The following PTPN13 variants were observed in gnomAD, a reference collection of about 807,000 sequenced individuals.
The protein encoded by PTPN13 is protein tyrosine phosphatase non-receptor type 13, also known as tyrosine-protein phosphatase non-receptor type 13.
PTPN13 carries 191 observed loss-of-function variants against 284.0 expected under a neutral mutation model. The ratio of observed to expected loss-of-function variants is 0.67; its 90% CI spans 0.60 to 0.76. The LOEUF (loss-of-function observed/expected upper bound fraction) is 0.76, where lower values mean the gene tolerates loss of function less well. PTPN13 is among the 30% of genes least tolerant of loss of function. PTPN13 has a pLI of 0.00. For synonymous variants in PTPN13, 986 were observed against 1,022.3 expected, an observed-to-expected ratio of 0.96 and a Z score of 0.68; for missense variants, 2,797 against 2,939.9, an observed-to-expected ratio of 0.95 and a Z score of 1.12.
intron 40 of PTPN13, among the ~76,000 whole-genome samples, chr4:86,792,758 T>C (rs1742833686): frequency 6.6e-6 from 1 of 152,140 alleles, no homozygotes; most frequent in Non-Finnish European, 1.5e-5. Context: ...CCAGCCAAAC[T>C]AAGCTTCATA....
At chr4:86,793,850 A>C (rs1160358367) in intron 40 of PTPN13, among the ~76,000 whole-genome samples, 1 of 152,198 alleles carries the variant, frequency 6.6e-6, no homozygotes, top group Non-Finnish European at 1.5e-5. Flanking sequence ...GACACATTTA[A>C]AGCAGTGTGT....
intron 7 of PTPN13, among the ~76,000 whole-genome samples, chr4:86,707,805 T>G (rs1731937262): frequency 6.6e-6 from 1 of 152,126 alleles, no homozygotes; most frequent in Non-Finnish European, 1.5e-5. Flanking sequence ...TCCACAAAAG[T>G]AAATGAGAAT....
intron 41 of PTPN13, 55 bp downstream of exon 41, chr4:86,796,984 C>T (rs545691487): frequency 7.7e-6 from 8 of 1,044,056 alleles, no homozygotes; most frequent in Non-Finnish European, 1.1e-5. Context: ...TATAAATGCT[C>T]TGAAGATTTC....
chr4:86,759,358 A>G (rs376304829), intron 23 of PTPN13, among the ~76,000 whole-genome samples: 3 of 152,230 alleles, frequency 2.0e-5, no homozygotes, highest in African/African-American at 7.2e-5. Flanking sequence ...AAACAAAACC[A>G]TATCATTTTG....
intron 10 of PTPN13, among the ~76,000 whole-genome samples, chr4:86,731,978 A>G (rs1437502848): frequency 6.6e-6 from 1 of 152,210 alleles, no homozygotes; most frequent in East Asian, 1.9e-4. Context: ...TTCTAAGACA[A>G]TGAGATTCTG....
At chr4:86,813,495 G>C (rs1745458611) in intron 47 of PTPN13, among the ~76,000 whole-genome samples, 1 of 152,062 alleles carries the variant, frequency 6.6e-6, no homozygotes, top group Non-Finnish European at 1.5e-5. Context: ...ACCCAGGCTG[G>C]AGCACAGTCC....
At chr4:86,628,744 C>T (rs11097116) in intron 1 of PTPN13, among the ~76,000 whole-genome samples, 4 of 135,674 alleles carry the variant, frequency 2.9e-5, no homozygotes, top group African/African-American at 8.3e-5. Flanking sequence ...TGAGTGAGAA[C>T]ATGCGGTGTT....
chr4:86,716,369 A>C (rs184716736), intron 7 of PTPN13, among the ~76,000 whole-genome samples, 161 bp from the exon 8 acceptor site: 16 of 152,310 alleles, frequency 1.1e-4, no homozygotes, highest in Admixed American at 2.0e-4. Flanking sequence ...CAGTATACTA[A>C]ACCCATTATT....
chr4:86,773,662 G>A (rs1053287412), intron 32 of PTPN13, among the ~76,000 whole-genome samples: 1 of 151,060 alleles, frequency 6.6e-6, no homozygotes, highest in African/African-American at 2.4e-5. Context: ...CCCCAAAACT[G>A]TTAACATTTT....
intron 2 of PTPN13, among the ~76,000 whole-genome samples, chr4:86,647,397 T>G (rs552031941): frequency 6.6e-6 from 1 of 152,054 alleles, no homozygotes; most frequent in South Asian, 2.1e-4. Context: ...AGCCAAATGT[T>G]CATTTTTCTC....
At chr4:86,664,602 A>G (rs945418725) in intron 2 of PTPN13, among the ~76,000 whole-genome samples, 52 of 152,218 alleles carry the variant, frequency 3.4e-4, no homozygotes, top group African/African-American at 1.1e-3. Flanking sequence ...TCCTTAAACC[A>G]CTTTTATTGT....
intron 2 of PTPN13, among the ~76,000 whole-genome samples, chr4:86,645,474 A>G (rs1454430694): frequency 6.6e-6 from 1 of 152,240 alleles, no homozygotes; most frequent in African/African-American, 2.4e-5. Context: ...AGAAAATTTG[A>G]TAGAATCCAG....
intron 6 of PTPN13, among the ~76,000 whole-genome samples, chr4:86,698,520 A>C (rs1183515658): frequency 6.6e-6 from 1 of 152,190 alleles, no homozygotes; most frequent in African/African-American, 2.4e-5. Flanking sequence ...AAGTGAGTAG[A>C]TGAAATTCTA....
At chr4:86,603,558 C>G (rs1416589253) in intron 1 of PTPN13, among the ~76,000 whole-genome samples, 1 of 152,080 alleles carries the variant, frequency 6.6e-6, no homozygotes, top group Non-Finnish European at 1.5e-5. Context: ...TAAATATGCT[C>G]TAATGTATGT....
chr4:86,669,540 T>C (rs1476420378), intron 2 of PTPN13, among the ~76,000 whole-genome samples: 1 of 152,166 alleles, frequency 6.6e-6, no homozygotes, highest in Non-Finnish European at 1.5e-5. Flanking sequence ...ATCAGTTTAC[T>C]GACCTTGGTT....
chr4:86,775,860 G>C (rs1040225115), intron 35 of PTPN13, among the ~76,000 whole-genome samples: 11 of 152,158 alleles, frequency 7.2e-5, no homozygotes, highest in African/African-American at 2.7e-4. Flanking sequence ...TATCAGTTAG[G>C]ATGTTTTCAC....
rs369292424 is a variant in PTPN13, at chr4:86,681,033, G to GTGATGA, written c.295-5665_295-5660dup. ...AGAAAAGATGATGATTTTGATGATG[G>GTGATGA]TGATGATGATGATGATGTGCAGGGA... On this transcript the variant is annotated intron_variant, in intron 3 of 47. Coordinates refer to ENST00000411767, the MANE Select transcript of PTPN13 (RefSeq NM_080683.3). Among the ~76,000 whole-genome samples the GTGATGA allele has an allele frequency of 8.4e-3, 1,271 of 152,156 alleles. 19 individuals carry two copies. The highest frequency in any genetic ancestry group is 0.028 in the African/African-American group (1,150 of 41,532).
intron 42 of PTPN13, among the ~76,000 whole-genome samples, chr4:86,799,578 C>T (rs892474947): frequency 1.3e-4 from 20 of 151,862 alleles, no homozygotes; most frequent in Non-Finnish European, 7.4e-5. Flanking sequence ...GATCCACCTA[C>T]CTCAGCTTCC....
intron 2 of PTPN13, among the ~76,000 whole-genome samples, chr4:86,661,630 A>ATTT (rs1726497056): frequency 6.6e-6 from 1 of 152,106 alleles, no homozygotes; most frequent in South Asian, 2.1e-4. Context: ...TCAGAAAAAT[A>ATTT]TTTTTCATGA....
Sources: gnomAD v4.1 joint callset for allele counts (sites outside exome capture counted in the v4.1 genomes callset) on GRCh38, gnomAD v4.1.1 for gene constraint, MANE v1.5 for transcripts, NCBI Gene and HGNC (gene_info 2026-07-23, HGNC 2026-07-21) for gene names.